The following DENR variants were observed in gnomAD, a reference collection of about 807,000 sequenced individuals.
The protein encoded by DENR is density-regulated protein.
In DENR, 6 loss-of-function variants were observed where a neutral mutation model predicts 30.6. That is an observed-to-expected ratio of 0.20 (90% CI 0.11 to 0.39). The LOEUF (loss-of-function observed/expected upper bound fraction) is 0.39. Among genes scored for constraint, DENR ranks in the 10% least tolerant of loss-of-function variants. DENR has a pLI of 1.00. For synonymous variants in DENR, 78 were observed against 72.1 expected (o/e 1.08, Z -0.41); for missense variants, 141 against 230.9 (o/e 0.61, Z 2.52).
intron 4 of DENR, among the ~76,000 whole-genome samples, chr12:122,764,345 A>T (rs1878787646): frequency 6.6e-6 from 1 of 152,180 alleles, no homozygotes; most frequent in African/African-American, 2.4e-5. Flanking sequence ...TCACGCTGTA[A>T]TCCCAGCACT....
At chr12:122,761,324 A>G (rs1432004918) in intron 2 of DENR, among the ~76,000 whole-genome samples, 1 of 152,108 alleles carries the variant, frequency 6.6e-6, no homozygotes, top group Non-Finnish European at 1.5e-5. Flanking sequence ...AGGCAGGAGA[A>G]TTTCTTGAGC....
At chr12:122,755,562 G>C (rs1878528157) in intron 2 of DENR, among the ~76,000 whole-genome samples, 1 of 152,144 alleles carries the variant, frequency 6.6e-6, no homozygotes, top group Middle Eastern at 3.2e-3. Context: ...CCGGGCAACA[G>C]TGCGAGACCC....
At chr12:122,759,715 CA>C (rs1317395737) in intron 2 of DENR, among the ~76,000 whole-genome samples, 2 of 150,788 alleles carry the variant, frequency 1.3e-5, no homozygotes, top group African/African-American at 4.9e-5. Flanking sequence ...AGCAAAACCC[CA>C]ATTTTTTTTT....
At chr12:122,753,588 A>C in intron 1 of DENR, 105 bp from the exon 2 acceptor site, 2 of 815,130 alleles carry the variant, frequency 2.5e-6, no homozygotes, top group Non-Finnish European at 4.1e-6. Flanking sequence ...TCAACAACAG[A>C]CTTGAAACAG....
chr12:122,765,556 G>C (rs1435743463), intron 5 of DENR, among the ~76,000 whole-genome samples, 169 bp downstream of exon 5: 3 of 152,144 alleles, frequency 2.0e-5, no homozygotes, highest in Non-Finnish European at 4.4e-5. Context: ...GTTCAAGGCT[G>C]TAGTATGCAA....
rs1878476693 is a variant in DENR at position 122,753,767 on chromosome 12, G to A, written c.66G>A (p.Lys22=). The change falls in exon 2 of 8, where the codon AAG becomes AAA. Residue 22 remains lysine, a synonymous_variant. Transcript: ENST00000280557. The stretch of plus-strand genomic sequence containing the variant: ...AAGGAGACCCAAGGAACAGTGCCAA[G>A]TTAGATGCCGATTACCCACTTCGAG... The part of the protein sequence containing the change: ...DCKGDPRNSA[K]LDADYPLRVL... 6.2e-7 allele frequency: 1 copy of A among 1,613,910 alleles called. No homozygotes were observed. The highest frequency in any genetic ancestry group is 1.7e-5 in the Admixed American group (1 of 60,002).
chr12:122,769,681 A>G lies in DENR; in HGVS notation c.*603A>G, dbSNP rs769067664. The G allele has an allele frequency of 1.8e-5, 3 of 165,406 alleles. No individual in the cohort carries two copies. Among genetic ancestry groups the G allele is most frequent in the Non-Finnish European group, 3.9e-5 (3 of 76,812 alleles). 10.2% of individuals were successfully genotyped at this position (165,406 alleles called of 1,614,324 possible). A position where few individuals can be genotyped will look rare whatever the true frequency, so the allele number is the denominator to read the frequency against. ...GCCACCACGCCCAGCTAATTTTTGTATTTTTAGTAGAGATGGGGTTTCACT... is the reference window on the plus strand; with the variant it reads ...GCCACCACGCCCAGCTAATTTTTGTGTTTTTAGTAGAGATGGGGTTTCACT... On this transcript the variant is annotated 3_prime_UTR_variant, in exon 8 of 8. Coordinates refer to ENST00000280557, the MANE Select transcript of DENR (RefSeq NM_003677.5).
In DENR at chr12:122,767,687, T is replaced by A. The variant is rs142018303; in HGVS notation, c.412+83T>A. ...CTCTATCTCTCTGTCTCTCTCTCTC[T>A]CACATACCATGAAAACTTCACAGGT... is the stretch of plus-strand genomic sequence containing the variant. On this transcript the variant is annotated intron_variant, in intron 6 of 7. Transcript: ENST00000280557. 116 of 665,128 alleles carry A rather than the reference T, an allele frequency of 1.7e-4. No homozygotes were observed. The East Asian group carries it at 2.2e-3, about 12-fold the overall frequency. 41.2% of individuals were successfully genotyped at this position (665,128 alleles called of 1,614,324 possible).
chr12:122,764,555 G>T (rs113903550), intron 4 of DENR, among the ~76,000 whole-genome samples: 1 of 152,228 alleles, frequency 6.6e-6, no homozygotes, highest in South Asian at 2.1e-4. Flanking sequence ...AGCCGAGATC[G>T]CACCGCTGCA....
chr12:122,768,986 CT>C, intron 7 of DENR, 47 bp from the exon 8 acceptor site: 1 of 1,606,306 alleles, frequency 6.2e-7, no homozygotes, highest in Non-Finnish European at 8.5e-7. Flanking sequence ...TCCATTTTTT[CT>C]TAATTGCAAC....
At chr12:122,754,494 G>A (rs970303574) in intron 2 of DENR, among the ~76,000 whole-genome samples, 4 of 152,124 alleles carry the variant, frequency 2.6e-5, no homozygotes, top group African/African-American at 4.8e-5. Context: ...CAGTAAAAGG[G>A]CAAGTAAATA....
intron 2 of DENR, among the ~76,000 whole-genome samples, chr12:122,759,191 T>G (rs1387612783): frequency 2.6e-5 from 4 of 152,172 alleles, no homozygotes; most frequent in African/African-American, 9.7e-5. Context: ...CAAGAAAGTT[T>G]CGTGGATGAT....
At position 122,769,089 on chromosome 12, in the gene DENR, T is replaced by C. The variant is rs1366365340; in HGVS notation, c.*11T>C. ...GAAGTAAAGAAGTGAATTTGAAAAT[T>C]TGTCTGTATTTAATGGCCTGAACTG... On this transcript the variant is annotated 3_prime_UTR_variant, in exon 8 of 8. Coordinates refer to ENST00000280557, the MANE Select transcript of DENR (RefSeq NM_003677.5). 2 of 1,606,544 alleles carry C rather than the reference T, an allele frequency of 1.2e-6. No individual in the cohort carries two copies. The highest frequency in any genetic ancestry group is 2.2e-5 in the East Asian group (1 of 44,510).
At chr12:122,767,261 A>T (rs1387714120) in intron 5 of DENR, among the ~76,000 whole-genome samples, 1 of 152,204 alleles carries the variant, frequency 6.6e-6, no homozygotes, top group Non-Finnish European at 1.5e-5. Context: ...GAGTCTCTGG[A>T]GGGCAGGGGC....
chr12:122,767,674 GTCTC>G lies in DENR; in HGVS notation c.412+81_412+84del, dbSNP rs141788190. The G allele has an allele frequency of 4.3e-5, 36 of 840,010 alleles. No homozygotes were observed. In the South Asian group the frequency reaches 5.3e-4, roughly 12 times the overall value. 52.0% of individuals were successfully genotyped at this position (840,010 alleles called of 1,614,324 possible). A position where few individuals can be genotyped will look rare whatever the true frequency, so the allele number is the denominator to read the frequency against. ...TCTCTCTGTCTCCCTCTATCTCTCT[GTCTC>G]TCTCTCTCTCACATACCATGAAAAC... On this transcript the variant is annotated intron_variant, in intron 6 of 7. Coordinates refer to ENST00000280557, the MANE Select transcript of DENR (RefSeq NM_003677.5).
intron 2 of DENR, among the ~76,000 whole-genome samples, chr12:122,756,583 A>T (rs1878556150): frequency 1.3e-5 from 2 of 152,242 alleles, no homozygotes; most frequent in South Asian, 4.1e-4. Context: ...TTTGAAGGAA[A>T]GGTTGCATTC....
intron 4 of DENR, 26 bp from the exon 5 acceptor site, chr12:122,765,277 GC>G: frequency 6.6e-7 from 1 of 1,525,728 alleles, no homozygotes; most frequent in Non-Finnish European, 8.9e-7. Flanking sequence ...TGATGTTCAT[GC>G]TTTTGTATTT....
chr12:122,762,395 A>G (rs942870678), intron 3 of DENR, among the ~76,000 whole-genome samples, 189 bp downstream of exon 3: 2 of 152,220 alleles, frequency 1.3e-5, no homozygotes, highest in East Asian at 1.9e-4. Flanking sequence ...TAGACCTTAA[A>G]TCATACATGT....
intron 1 of DENR, among the ~76,000 whole-genome samples, chr12:122,753,165 C>T (rs1314829987): frequency 1.3e-5 from 2 of 152,176 alleles, no homozygotes; most frequent in Non-Finnish European, 2.9e-5. Flanking sequence ...TTTCTCTCCT[C>T]ATCCTTCTTA....
Sources: gnomAD v4.1 joint callset for allele counts (sites outside exome capture counted in the v4.1 genomes callset) on GRCh38, gnomAD v4.1.1 for gene constraint, MANE v1.5 for transcripts, NCBI Gene and HGNC (gene_info 2026-07-23, HGNC 2026-07-21) for gene names.